The following TLN2 variants were observed in gnomAD, a reference collection of about 807,000 sequenced individuals.
TLN2 encodes the protein talin-2.
In TLN2, 118 loss-of-function variants were observed where a neutral mutation model predicts 294.7. The ratio of observed to expected loss-of-function variants is 0.40; its 90% CI spans 0.34 to 0.47. TLN2 has a LOEUF of 0.47. Ranked by LOEUF, TLN2 falls within the 20% of genes least tolerant of loss-of-function variation. The pLI is 0.84. For synonymous variants in TLN2, 1,431 were observed against 1,304.5 expected (o/e 1.10, Z -2.09); for missense variants, 3,083 against 3,282.2 (o/e 0.94, Z 1.48).
intron 27 of TLN2, among the ~76,000 whole-genome samples, chr15:62,726,009 G>C (rs911719018): frequency 2.0e-5 from 3 of 152,150 alleles, no homozygotes; most frequent in African/African-American, 7.2e-5. Flanking sequence ...GGCTCAGAGA[G>C]GTTAAGTCAC....
intron 19 of TLN2, among the ~76,000 whole-genome samples, chr15:62,706,348 T>C (rs911667915): frequency 9.2e-5 from 14 of 152,264 alleles, no homozygotes; most frequent in African/African-American, 3.4e-4. Context: ...GCAGAATGCC[T>C]AGTCATTGAG....
intron 1 of TLN2, among the ~76,000 whole-genome samples, chr15:62,512,589 G>A (rs1298453714): frequency 6.6e-6 from 1 of 152,120 alleles, no homozygotes; most frequent in Non-Finnish European, 1.5e-5. Flanking sequence ...TGCTCTTTCC[G>A]AGTGTACATT....
intron 1 of TLN2, among the ~76,000 whole-genome samples, chr15:62,588,632 T>TA (rs921551054): frequency 2.5e-4 from 31 of 125,450 alleles, no homozygotes; most frequent in African/African-American, 5.2e-4. Context: ...GACTCCATCT[T>TA]AAAAAAAAAT....
chr15:62,805,817 G>A, intron 51 of TLN2, 32 bp downstream of exon 51: 1 of 1,598,682 alleles, frequency 6.3e-7, no homozygotes, highest in Admixed American at 1.7e-5. Flanking sequence ...TGGATGGACA[G>A]ATGATTCTCT....
chr15:62,423,497 T>C (rs1405691686), intron 1 of TLN2, among the ~76,000 whole-genome samples: 1 of 152,168 alleles, frequency 6.6e-6, no homozygotes, highest in East Asian at 1.9e-4. Flanking sequence ...CAAATGTGCG[T>C]GAACATATGG....
chr15:62,741,748 C>CGCGCGCGCGTTTGTGTGTGTGT, intron 32 of TLN2, among the ~76,000 whole-genome samples: 1 of 131,072 alleles, frequency 7.6e-6, no homozygotes, highest in East Asian at 2.4e-4. Context: ...AAAATTTGCG[C>CGCGCGCGCGTTTGTGTGTGTGT]GTGTGTGTGT....
intron 3 of TLN2, among the ~76,000 whole-genome samples, chr15:62,619,131 G>T (rs538972644): frequency 2.8e-4 from 42 of 151,868 alleles, no homozygotes; most frequent in African/African-American, 9.4e-4. Flanking sequence ...AGGTTTGTTT[G>T]TTTTTTCTCA....
chr15:62,764,929 C>T (rs1327626788), intron 40 of TLN2, among the ~76,000 whole-genome samples: 1 of 149,868 alleles, frequency 6.7e-6, no homozygotes, highest in Non-Finnish European at 1.5e-5. Context: ...CGAGATCACA[C>T]TGCCGCCCTT....
At chr15:62,792,857 G>T in intron 46 of TLN2, 70 bp downstream of exon 46, 1 of 1,577,606 alleles carries the variant, frequency 6.3e-7, no homozygotes, top group South Asian at 1.2e-5. Flanking sequence ...TGTAATCAAG[G>T]ACAAAAGCAG....
chr15:62,487,860 A>G (rs1395875895), intron 1 of TLN2, among the ~76,000 whole-genome samples: 1 of 152,018 alleles, frequency 6.6e-6, no homozygotes, highest in Non-Finnish European at 1.5e-5. Context: ...CTGAGATCGC[A>G]CCACTGCACT....
rs2070894785 is a variant in TLN2, at chr15:62,843,348, C to G, written c.*2738C>G. The stretch of plus-strand genomic sequence containing the variant: ...AAATTTAGATTTTACTTGGGCCTTT[C>G]AGGAGTCTTTAGATAGGGATGCTGA... On this transcript the variant is annotated 3_prime_UTR_variant, in exon 59 of 59. Transcript: ENST00000636159. The G allele has an allele frequency of 6.6e-6, 1 of 152,236 alleles. No homozygotes were observed. Among genetic ancestry groups the G allele is most frequent in the African/African-American group, 2.4e-5 (1 of 41,452 alleles). The allele number at this position is 152,236 out of a possible 1,614,324, so 9.4% of individuals were successfully genotyped here. A position where few individuals can be genotyped will look rare whatever the true frequency, so the allele number is the denominator to read the frequency against.
intron 2 of TLN2, among the ~76,000 whole-genome samples, chr15:62,610,179 A>G (rs2047805714): frequency 6.6e-6 from 1 of 152,372 alleles, no homozygotes; most frequent in Admixed American, 6.5e-5. Context: ...GATGTCGCTC[A>G]TCCTAGACTA....
chr15:62,430,192 C>T (rs2034941572), intron 1 of TLN2, among the ~76,000 whole-genome samples: 1 of 152,144 alleles, frequency 6.6e-6, no homozygotes, highest in Non-Finnish European at 1.5e-5. Context: ...ATTGGTGTTT[C>T]AGAGGTGGAA....
intron 22 of TLN2, among the ~76,000 whole-genome samples, chr15:62,714,510 T>C: frequency 6.6e-6 from 1 of 152,104 alleles, no homozygotes; most frequent in East Asian, 1.9e-4. Context: ...CCACGTTTTG[T>C]TTCTTGATGT....
intron 38 of TLN2, among the ~76,000 whole-genome samples, 180 bp from the exon 39 acceptor site, chr15:62,762,092 C>G (rs577676001): frequency 6.6e-6 from 1 of 152,342 alleles, no homozygotes; most frequent in Non-Finnish European, 1.5e-5. Context: ...AAGGGGCAAA[C>G]ATGGGCTTGA....
At chr15:62,598,332 G>T (rs1257264534) in intron 2 of TLN2, among the ~76,000 whole-genome samples, 7 of 152,238 alleles carry the variant, frequency 4.6e-5, no homozygotes, top group African/African-American at 1.7e-4. Flanking sequence ...GCCACGTCTT[G>T]GACACGTTCT....
intron 1 of TLN2, among the ~76,000 whole-genome samples, chr15:62,575,126 AACAT>A (rs2044276380): frequency 6.6e-6 from 1 of 152,142 alleles, no homozygotes; most frequent in Non-Finnish European, 1.5e-5. Context: ...CAGTCTGGGC[AACAT>A]GATGAAACCT....
intron 43 of TLN2, among the ~76,000 whole-genome samples, chr15:62,777,404 C>T (rs1024542505): frequency 2.8e-4 from 42 of 152,112 alleles, no homozygotes; most frequent in African/African-American, 8.4e-4. Context: ...GGCATGGTTG[C>T]GCATGCCCAT....
At chr15:62,467,343 A>C (rs1396125653) in intron 1 of TLN2, among the ~76,000 whole-genome samples, 1 of 152,222 alleles carries the variant, frequency 6.6e-6, no homozygotes, top group Non-Finnish European at 1.5e-5. Context: ...ACCACAGGAT[A>C]AACCTAAGAT....
Sources: gnomAD v4.1 joint callset for allele counts (sites outside exome capture counted in the v4.1 genomes callset) on GRCh38, gnomAD v4.1.1 for gene constraint, MANE v1.5 for transcripts, NCBI Gene and HGNC (gene_info 2026-07-23, HGNC 2026-07-21) for gene names.